AKAP19: variants seen among roughly 807,000 people sequenced by gnomAD.
AKAP19 encodes the protein small A-kinase anchoring protein.
chr2:190,022,088 T>C, the AKAP19 span, among the ~76,000 whole-genome samples: 2 of 152,120 alleles, frequency 1.3e-5, no homozygotes, highest in Admixed American at 6.5e-5. Flanking sequence ...CATTGATCCA[T>C]TAATCTATGC....
chr2:190,037,220 A>G, the AKAP19 span, among the ~76,000 whole-genome samples: 1 of 152,182 alleles, frequency 6.6e-6, no homozygotes, highest in Admixed American at 6.5e-5. Context: ...TTTTGCCATA[A>G]CTACCCAGAA....
the AKAP19 span, chr2:190,057,775 T>A: frequency 1.2e-6 from 1 of 860,124 alleles, no homozygotes; most frequent in Non-Finnish European, 1.8e-6. Context: ...GGCACAGCAT[T>A]AAGGAATGTT....
chr2:190,062,861 C>A, the AKAP19 span: 1 of 397,810 alleles, frequency 2.5e-6, no homozygotes, highest in Non-Finnish European at 4.5e-6. Flanking sequence ...TCCCAAGTCA[C>A]CAAGCAGTAT....
chr2:190,058,864 A>G, the AKAP19 span, among the ~76,000 whole-genome samples: 1 of 151,974 alleles, frequency 6.6e-6, no homozygotes. Context: ...ATTAAAAACT[A>G]CATATTTGGT....
the AKAP19 span, chr2:189,930,748 A>G: frequency 2.9e-6 from 2 of 689,466 alleles, no homozygotes; most frequent in African/African-American, 1.8e-5. Flanking sequence ...ACACTCCCAG[A>G]TCTGTTTTAC....
the AKAP19 span, among the ~76,000 whole-genome samples, chr2:189,955,757 A>G: frequency 2.6e-5 from 4 of 152,198 alleles, no homozygotes. Context: ...GTAATTTAAG[A>G]ACACAAAATT....
At chr2:189,885,347 A>G in the AKAP19 span, among the ~76,000 whole-genome samples, 18 of 152,218 alleles carry the variant, frequency 1.2e-4, no homozygotes, top group African/African-American at 4.3e-4. Flanking sequence ...GCCATTGTGT[A>G]AAAAGTACAA....
At chr2:190,185,973 CAG>C in the AKAP19 span, among the ~76,000 whole-genome samples, 7 of 152,082 alleles carry the variant, frequency 4.6e-5, no homozygotes, top group South Asian at 2.1e-4. Flanking sequence ...TTTTTTGAGA[CAG>C]AGTCTTCACT....
At chr2:189,993,841 G>T in the AKAP19 span, among the ~76,000 whole-genome samples, 1 of 152,028 alleles carries the variant, frequency 6.6e-6, no homozygotes, top group South Asian at 2.1e-4. Context: ...TTTCTGTGGG[G>T]TTGGTCGTAA....
the AKAP19 span, chr2:190,199,871 T>G: frequency 6.2e-7 from 1 of 1,613,618 alleles, no homozygotes; most frequent in Non-Finnish European, 8.5e-7. Context: ...ATGGGCTGCA[T>G]GAAATCAAAG....
At chr2:189,912,948 C>G in the AKAP19 span, among the ~76,000 whole-genome samples, 1 of 151,994 alleles carries the variant, frequency 6.6e-6, no homozygotes, top group Non-Finnish European at 1.5e-5. Flanking sequence ...GACACTGTAC[C>G]GCAAAGCTGT....
chr2:190,095,131 G>A, the AKAP19 span, among the ~76,000 whole-genome samples: 2 of 152,130 alleles, frequency 1.3e-5, no homozygotes, highest in African/African-American at 4.8e-5. Context: ...GCTGAGACAG[G>A]AGAATCCTTG....
At chr2:190,105,139 T>G in the AKAP19 span, among the ~76,000 whole-genome samples, 1 of 152,138 alleles carries the variant, frequency 6.6e-6, no homozygotes, top group Admixed American at 6.5e-5. Flanking sequence ...TGGGTATATA[T>G]CGAAAAGAAA....
chr2:190,095,118 G>T, the AKAP19 span, among the ~76,000 whole-genome samples: 7 of 152,232 alleles, frequency 4.6e-5, no homozygotes, highest in South Asian at 2.1e-4. Context: ...AGCTACTCAG[G>T]AGGCTGAGAC....
chr2:190,125,754 A>T, the AKAP19 span, among the ~76,000 whole-genome samples: 1 of 152,146 alleles, frequency 6.6e-6, no homozygotes, highest in Non-Finnish European at 1.5e-5. Flanking sequence ...AGAGTCATGA[A>T]TGTAATACTG....
the AKAP19 span, among the ~76,000 whole-genome samples, chr2:189,954,977 C>G: frequency 1.3e-5 from 2 of 152,096 alleles, no homozygotes; most frequent in Non-Finnish European, 2.9e-5. Context: ...CTTAGGGGTA[C>G]AAGTACAGTG....
chr2:190,130,947 A>G, the AKAP19 span, among the ~76,000 whole-genome samples: 1 of 152,198 alleles, frequency 6.6e-6, no homozygotes, highest in Non-Finnish European at 1.5e-5. Flanking sequence ...AAATGCTCAG[A>G]TAGATATGAT....
At chr2:190,158,260 T>C in the AKAP19 span, among the ~76,000 whole-genome samples, 2 of 152,190 alleles carry the variant, frequency 1.3e-5, no homozygotes, top group Admixed American at 6.5e-5. Context: ...CCCAGCTGAA[T>C]AAAGCCCTTC....
chr2:189,945,977 A>T, the AKAP19 span, among the ~76,000 whole-genome samples: 1 of 152,330 alleles, frequency 6.6e-6, no homozygotes, highest in Non-Finnish European at 1.5e-5. Flanking sequence ...ACTTTCAAAA[A>T]TGGAGATAAA....
Sources: allele counts gnomAD v4.1 joint callset (sites outside exome capture counted in the v4.1 genomes callset), GRCh38; gene constraint gnomAD v4.1.1; transcripts MANE v1.5; gene names NCBI Gene and HGNC (gene_info 2026-07-23, HGNC 2026-07-21).